Variants in ZBTB17 observed in about 807,000 individuals in gnomAD.
ZBTB17 encodes zinc finger and BTB domain containing 17, also known as zinc finger and BTB domain-containing protein 17.
ZBTB17 carries 24 observed loss-of-function variants against 85.1 expected under a neutral mutation model. The observed-to-expected ratio is 0.28, with a 90% CI of 0.20 to 0.40. The LOEUF is 0.40. Among genes scored for constraint, ZBTB17 ranks in the 10% least tolerant of loss-of-function variants. ZBTB17 has a pLI of 1.00. For missense variants in ZBTB17, 743 were observed against 1,105.1 expected, an observed-to-expected ratio of 0.67 and a Z score of 4.65; for synonymous variants, 464 against 460.2, an observed-to-expected ratio of 1.01 and a Z score of -0.11.
intron 9 of ZBTB17, 155 bp downstream of exon 9, chr1:15,944,145 G>C: frequency 8.2e-7 from 1 of 1,212,380 alleles, no homozygotes. Flanking sequence ...GCTCCCCCGC[G>C]GAAGTGGCTC....
chr1:15,956,411 G>A (rs949213765), intron 2 of ZBTB17, among the ~76,000 whole-genome samples: 4 of 152,216 alleles, frequency 2.6e-5, no homozygotes, highest in Admixed American at 2.6e-4. Context: ...TTTTGAGAAT[G>A]ACTAACACAA....
intron 2 of ZBTB17, among the ~76,000 whole-genome samples, chr1:15,958,169 G>A (rs1382151800): frequency 6.6e-6 from 1 of 152,200 alleles, no homozygotes; most frequent in Admixed American, 6.5e-5. Context: ...CAGATAGGAA[G>A]TGTTGCCCAA....
At chr1:15,950,281 C>A (rs948743029) in intron 2 of ZBTB17, among the ~76,000 whole-genome samples, 5 of 152,256 alleles carry the variant, frequency 3.3e-5, no homozygotes, top group African/African-American at 7.2e-5. Context: ...AGAATCGTGG[C>A]TGCGCTGCTC....
At position 15,964,221 on chromosome 1, in the gene ZBTB17, C is replaced by G. The variant is rs2072362313; in HGVS notation, c.-3+8818G>C. Among the ~76,000 whole-genome samples the G allele has an allele frequency of 6.6e-6, 1 of 152,110 alleles. No homozygotes were observed. Among genetic ancestry groups the G allele is most frequent in the South Asian group, 2.1e-4 (1 of 4,828 alleles). ...CAATTAAAGTGTTCTCAGGTCCTCA[C>G]TGTTTGAGAGTAAGGTATAAAGACA... is the stretch of plus-strand genomic sequence containing the variant. On this transcript the variant is annotated intron_variant, in intron 2 of 15. Coordinates refer to ENST00000375743, the MANE Select transcript of ZBTB17 (RefSeq NM_003443.3). The surrounding 1 kb of genome is among the most constrained non-coding windows in gnomAD (Gnocchi z 4.3).
In ZBTB17 at chr1:15,945,653, G is replaced by C. The variant is rs545791405; in HGVS notation, c.661+62C>G. 50 of 1,592,686 alleles carry C rather than the reference G, an allele frequency of 3.1e-5. No individual in the cohort carries two copies. In the African/African-American group the frequency reaches 6.3e-4, roughly 20 times the overall value. On this transcript the variant is annotated intron_variant, in intron 6 of 15. Transcript: ENST00000375743. ...GAGGAGAGGGAGGCCCCAGTGCGCAGTGGAGGCAGGGCCCTGGGAGGATGC... is the reference window on the plus strand; with the variant it reads ...GAGGAGAGGGAGGCCCCAGTGCGCACTGGAGGCAGGGCCCTGGGAGGATGC...
chr1:15,944,087 G>T, intron 9 of ZBTB17, 192 bp from the exon 10 acceptor site: 1 of 1,002,218 alleles, frequency 1.0e-6, no homozygotes, highest in Non-Finnish European at 1.5e-6. Flanking sequence ...ATTTTTTCAG[G>T]ACCAAACCCC....
At chr1:15,950,553 GC>G (rs909880003) in intron 2 of ZBTB17, among the ~76,000 whole-genome samples, 2 of 152,186 alleles carry the variant, frequency 1.3e-5, no homozygotes, top group Admixed American at 1.3e-4. Context: ...GAATACCAGG[GC>G]CCACACAGGG....
intron 2 of ZBTB17, among the ~76,000 whole-genome samples, chr1:15,957,354 C>T (rs1249906783): frequency 7.9e-6 from 1 of 125,852 alleles, no homozygotes; most frequent in Non-Finnish European, 1.7e-5. Context: ...GACTTTGGCA[C>T]AGGGGCCGGT....
chr1:15,972,674 A>AT (rs1371893146), intron 2 of ZBTB17, among the ~76,000 whole-genome samples: 1 of 152,240 alleles, frequency 6.6e-6, no homozygotes, highest in African/African-American at 2.4e-5. Flanking sequence ...GAAAAGCCAC[A>AT]TTATCAAAGG....
intron 2 of ZBTB17, among the ~76,000 whole-genome samples, chr1:15,967,824 G>C (rs769444746): frequency 1.3e-5 from 2 of 152,224 alleles, no homozygotes; most frequent in Non-Finnish European, 1.5e-5. Flanking sequence ...GGTTAGAAAG[G>C]TCAAGTACTT....
At chr1:15,971,381 C>CAA (rs1553187300) in intron 2 of ZBTB17, among the ~76,000 whole-genome samples, 1 of 132,442 alleles carries the variant, frequency 7.6e-6, no homozygotes, top group African/African-American at 2.8e-5. Context: ...TATACACACA[C>CAA]TATATATATA....
rs1465531360 is a variant in ZBTB17, at chr1:15,943,662, T to C, written c.1513A>G (p.Ile505Val). 10 of 1,612,802 alleles carry C rather than the reference T, an allele frequency of 6.2e-6. No homozygotes were observed. The highest frequency in any genetic ancestry group is 8.5e-6 in the Non-Finnish European group (10 of 1,179,840). The change falls in exon 11 of 16, where the codon ATC becomes GTC. Residue 505 changes from isoleucine (I) to valine (V), a missense_variant. Coordinates refer to ENST00000375743, the MANE Select transcript of ZBTB17 (RefSeq NM_003443.3). Reference sequence around the variant, plus strand: ...TCTGCAAACTGTCGCTGGCAGTGGATGCACACGTAGGGCTTCTCCCCGCTG... The same window carrying C: ...TCTGCAAACTGTCGCTGGCAGTGGACGCACACGTAGGGCTTCTCCCCGCTG... ...IHSGEKPYVCIHCQRQFADPG... is the reference protein window; with the variant it reads ...IHSGEKPYVCVHCQRQFADPG...
chr1:15,965,138 G>T (rs1466688846), intron 2 of ZBTB17, among the ~76,000 whole-genome samples: 1 of 150,602 alleles, frequency 6.6e-6, no homozygotes, highest in African/African-American at 2.4e-5. Flanking sequence ...AAGAATTTCT[G>T]CTCATCAAAA....
rs1313733720 is a variant in ZBTB17 at position 15,973,164 on chromosome 1, C to T, written c.-89-39G>A. Reference sequence around the variant, plus strand: ...ACACAAGTGGAAAATCTGATGAGAACCTAAAGGGTACCTGCTCCCTCAGAG... The same window carrying T: ...ACACAAGTGGAAAATCTGATGAGAATCTAAAGGGTACCTGCTCCCTCAGAG... On this transcript the variant is annotated intron_variant, in intron 1 of 15. Transcript: ENST00000375743. This position sits in a 1 kb window ranked among gnomAD's most constrained non-coding sequence, Gnocchi z 4.1. The T allele has an allele frequency of 6.6e-6, 1 of 152,196 alleles. No homozygotes were observed. The allele number at this position is 152,196 out of a possible 1,614,324, so 9.4% of individuals were successfully genotyped here.
Position 15,945,696 on chromosome 1 carries a change from C to T in ZBTB17, c.661+19G>A. On this transcript the variant is annotated intron_variant, in intron 6 of 15. Coordinates refer to ENST00000375743, the MANE Select transcript of ZBTB17 (RefSeq NM_003443.3). ...GAGGATGCACCAGGTAGGGCCTGGT[C>T]CTGGCTGGGCGGGGCTACCTTGCTC... The T allele has an allele frequency of 1.9e-6, 3 of 1,606,216 alleles. No homozygotes were observed. Among genetic ancestry groups the T allele is most frequent in the Non-Finnish European group, 2.5e-6 (3 of 1,179,738 alleles).
chr1:15,945,224 T>C (rs2071547390), intron 6 of ZBTB17, 22 bp from the exon 7 acceptor site: 1 of 1,548,804 alleles, frequency 6.5e-7, no homozygotes, highest in African/African-American at 1.4e-5. Flanking sequence ...AGGGCAAGCA[T>C]GGAGGCGGCA....
chr1:15,970,549 AT>A (rs917656376), intron 2 of ZBTB17, among the ~76,000 whole-genome samples: 55 of 140,350 alleles, frequency 3.9e-4, no homozygotes, highest in South Asian at 6.9e-4. Flanking sequence ...CACCCAGCTA[AT>A]TTTTTTTTTT....
chr1:15,954,080 G>A (rs1344294780), intron 2 of ZBTB17, among the ~76,000 whole-genome samples: 1 of 152,158 alleles, frequency 6.6e-6, no homozygotes, highest in African/African-American at 2.4e-5. Context: ...AGACAGGGAG[G>A]AAGTGATGGG....
At chr1:15,969,511 C>T (rs1003061132) in intron 2 of ZBTB17, 9 of 280,498 alleles carry the variant, frequency 3.2e-5, no homozygotes, top group South Asian at 1.2e-4. Flanking sequence ...GCACGGGGGC[C>T]GAGGGGGCAC....
Sources: allele counts gnomAD v4.1 joint callset (sites outside exome capture counted in the v4.1 genomes callset), GRCh38; gene constraint gnomAD v4.1.1; non-coding constraint Gnocchi (gnomAD v3.1); transcripts MANE v1.5; gene names NCBI Gene and HGNC (gene_info 2026-07-23, HGNC 2026-07-21).